The following RASGRF1 variants were observed in gnomAD, a reference collection of about 807,000 sequenced individuals.
RASGRF1 encodes ras-specific guanine nucleotide-releasing factor 1.
RASGRF1 carries 40 observed loss-of-function variants against 138.7 expected under a neutral mutation model. That is an observed-to-expected ratio of 0.29 (90% CI 0.22 to 0.38). The LOEUF is 0.38. Among genes scored for constraint, RASGRF1 ranks in the 10% least tolerant of loss-of-function variants. RASGRF1 has a pLI of 1.00. For missense variants in RASGRF1, 1,108 were observed against 1,650.4 expected, an observed-to-expected ratio of 0.67 and a Z score of 5.69; for synonymous variants, 614 against 663.2, an observed-to-expected ratio of 0.93 and a Z score of 1.14.
chr15:79,047,211 C>CGGAA (rs1208464889), intron 4 of RASGRF1, among the ~76,000 whole-genome samples: 1 of 152,208 alleles, frequency 6.6e-6, no homozygotes, highest in East Asian at 1.9e-4. Flanking sequence ...TCAGTTTTCC[C>CGGAA]ATCTGTAAAA....
At chr15:79,000,003 C>T in intron 16 of RASGRF1, 90 bp from the exon 17 acceptor site, 1 of 1,398,662 alleles carries the variant, frequency 7.1e-7, no homozygotes, top group Non-Finnish European at 1.0e-6. Context: ...CTAGAGCAGC[C>T]TTAAGAGCCA....
Position 79,006,077 on chromosome 15 carries a change from C to T in RASGRF1, c.2075+109G>A. 1 of 1,482,120 alleles carries T rather than the reference C, an allele frequency of 6.7e-7. No homozygotes were observed. Among genetic ancestry groups the T allele is most frequent in the Non-Finnish European group, 9.2e-7 (1 of 1,087,876 alleles). 91.8% of individuals were successfully genotyped at this position (1,482,120 alleles called of 1,614,324 possible). A position where few individuals can be genotyped will look rare whatever the true frequency, so the allele number is the denominator to read the frequency against. On this transcript the variant is annotated intron_variant, in intron 14 of 26. Transcript: ENST00000558480. The surrounding 1 kb of genome is among the most constrained non-coding windows in gnomAD (Gnocchi z 4.0). ...CCCGCAGCACCCCAACACGTTACTG[C>T]TGCTCCTCCAGGGACCTTCCAGGTC...
intron 26 of RASGRF1, among the ~76,000 whole-genome samples, chr15:78,963,963 G>A (rs2055595005): frequency 6.6e-6 from 1 of 152,106 alleles, no homozygotes; most frequent in Non-Finnish European, 1.5e-5. Flanking sequence ...TCAGGAAACT[G>A]ATTAGTTTCC....
chr15:78,995,029 G>A (rs747950541), intron 20 of RASGRF1, among the ~76,000 whole-genome samples: 26 of 150,906 alleles, frequency 1.7e-4, no homozygotes, highest in Non-Finnish European at 3.4e-4. Flanking sequence ...CTATGCTCAA[G>A]CAGTCCTCCC....
intron 5 of RASGRF1, among the ~76,000 whole-genome samples, chr15:79,038,477 A>G (rs1450027576): frequency 6.6e-6 from 1 of 152,226 alleles, no homozygotes; most frequent in Non-Finnish European, 1.5e-5. Context: ...AACTAAAAAA[A>G]TTATCTCATA....
At chr15:79,067,886 C>T (rs1169704619) in intron 1 of RASGRF1, among the ~76,000 whole-genome samples, 5 of 152,044 alleles carry the variant, frequency 3.3e-5, no homozygotes, top group African/African-American at 9.7e-5. Context: ...CCAAAGCCCA[C>T]GTCTAGAGAG....
At chr15:79,045,868 A>G (rs1246446058) in intron 5 of RASGRF1, among the ~76,000 whole-genome samples, 1 of 152,236 alleles carries the variant, frequency 6.6e-6, no homozygotes. Flanking sequence ...AGATTAGTGA[A>G]AGGACTGAAT....
chr15:79,022,683 T>C (rs2056978339), intron 10 of RASGRF1, among the ~76,000 whole-genome samples: 1 of 152,168 alleles, frequency 6.6e-6, no homozygotes, highest in Non-Finnish European at 1.5e-5. Flanking sequence ...CCTTGACACA[T>C]AATTTGGTTA....
At chr15:79,081,882 C>A (rs1213607931) in intron 1 of RASGRF1, among the ~76,000 whole-genome samples, 2 of 152,186 alleles carry the variant, frequency 1.3e-5, no homozygotes, top group Non-Finnish European at 2.9e-5. Flanking sequence ...CTTTAAAATC[C>A]TCTCCCTTGT....
intron 15 of RASGRF1, 60 bp from the exon 16 acceptor site, chr15:79,001,847 T>C: frequency 8.5e-7 from 1 of 1,175,804 alleles, no homozygotes; most frequent in Non-Finnish European, 1.1e-6. Flanking sequence ...AATTTAAATA[T>C]TTGATTTTAA....
In RASGRF1 at chr15:79,027,823, G is replaced by T. The variant is rs35437275; in HGVS notation, c.1299C>A (p.Ile433=). Residue 433 remains isoleucine, a synonymous_variant, in exon 9 of 27, where the codon ATC becomes ATA. Transcript: ENST00000558480. This position sits in a 1 kb window ranked among gnomAD's most constrained non-coding sequence, Gnocchi z 4.8. Reference sequence around the variant, plus strand: ...TGCGCTCGATGGCCAGGTTTTTCCGGATGTTCTCCGTCTCACTTACTTCAT... The same window carrying T: ...TGCGCTCGATGGCCAGGTTTTTCCGTATGTTCTCCGTCTCACTTACTTCAT... ...MHDEVSETEN[I]RKNLAIERMI... 3,085 of 1,614,188 alleles carry T rather than the reference G, an allele frequency of 1.9e-3. 56 individuals carry two copies. The African/African-American group carries it at 0.034, about 18-fold the overall frequency.
At chr15:79,076,091 G>T (rs2057829900) in intron 1 of RASGRF1, among the ~76,000 whole-genome samples, 1 of 152,198 alleles carries the variant, frequency 6.6e-6, no homozygotes, top group Non-Finnish European at 1.5e-5. Flanking sequence ...TTCCAAATGG[G>T]CAAGCTGCTG....
chr15:78,964,722 T>C (rs576619362), intron 26 of RASGRF1, among the ~76,000 whole-genome samples: 6 of 152,350 alleles, frequency 3.9e-5, no homozygotes, highest in Non-Finnish European at 5.9e-5. Flanking sequence ...TTTTTTATTG[T>C]AGAATAAAGG....
intron 24 of RASGRF1, among the ~76,000 whole-genome samples, chr15:78,974,543 C>G (rs1303436110): frequency 1.3e-5 from 2 of 152,210 alleles, no homozygotes; most frequent in Non-Finnish European, 2.9e-5. Flanking sequence ...GCAGCTAAGA[C>G]AGTTTTAGGT....
rs930092476 is a variant in RASGRF1 at position 79,073,236 on chromosome 15, G to A, written c.277-8710C>T. ...TGGAATAGATCTAGTATCCCCCGCAGTCCTCCACCAGACTGCCCAGATCCC... is the reference window on the plus strand; with the variant it reads ...TGGAATAGATCTAGTATCCCCCGCAATCCTCCACCAGACTGCCCAGATCCC... On this transcript the variant is annotated intron_variant, in intron 1 of 26. Coordinates refer to ENST00000558480, the MANE Select transcript of RASGRF1 (RefSeq NM_001145648.3). This position sits in a 1 kb window ranked among gnomAD's most constrained non-coding sequence, Gnocchi z 4.2. 6.6e-6 allele frequency among the ~76,000 whole-genome samples: 1 copy of A among 151,930 alleles called. No homozygotes were observed. The highest frequency in any genetic ancestry group is 1.5e-5 in the Non-Finnish European group (1 of 67,992).
At chr15:79,064,683 G>A in intron 1 of RASGRF1, 157 bp from the exon 2 acceptor site, 1 of 699,128 alleles carries the variant, frequency 1.4e-6, no homozygotes. Flanking sequence ...CTATTTAGCA[G>A]TTTCCAGTTC....
chr15:78,973,657 C>T lies in RASGRF1; in HGVS notation c.3495-237G>A, dbSNP rs2055817042. On this transcript the variant is annotated intron_variant, in intron 24 of 26. Coordinates refer to ENST00000558480, the MANE Select transcript of RASGRF1 (RefSeq NM_001145648.3). This position sits in a 1 kb window ranked among gnomAD's most constrained non-coding sequence, Gnocchi z 4.9. ...ATGGTGCTGACTGGGGCCTCTTACA[C>T]CCACTGGGGCATCTCAGATTGTCTC... 6.6e-6 allele frequency among the ~76,000 whole-genome samples: 1 copy of T among 152,066 alleles called. No individual in the cohort carries two copies. Among genetic ancestry groups the T allele is most frequent in the African/African-American group, 2.4e-5 (1 of 41,388 alleles).
At chr15:79,049,693 C>T in intron 3 of RASGRF1, 105 bp from the exon 4 acceptor site, 1 of 854,340 alleles carries the variant, frequency 1.2e-6, no homozygotes, top group Non-Finnish European at 1.8e-6. Context: ...AGTGCCCTGC[C>T]TCTTCTTCCC....
chr15:79,075,449 A>G (rs2141088505), intron 1 of RASGRF1, among the ~76,000 whole-genome samples: 2 of 152,112 alleles, frequency 1.3e-5, no homozygotes, highest in Admixed American at 1.3e-4. Flanking sequence ...CTCCTGTCCA[A>G]CTGGGCTGCA....
Sources: allele counts gnomAD v4.1 joint callset (sites outside exome capture counted in the v4.1 genomes callset), GRCh38; gene constraint gnomAD v4.1.1; non-coding constraint Gnocchi (gnomAD v3.1); transcripts MANE v1.5; gene names NCBI Gene and HGNC (gene_info 2026-07-23, HGNC 2026-07-21).